Variants in DNMBP observed in about 807,000 individuals in gnomAD.
DNMBP encodes the protein dynamin-binding protein.
Under a neutral mutation model 150.0 loss-of-function variants are expected in DNMBP, and 87 were observed. That is an observed-to-expected ratio of 0.58 (90% CI 0.49 to 0.69). The LOEUF (loss-of-function observed/expected upper bound fraction) is 0.69. DNMBP is among the 30% of genes least tolerant of loss of function. DNMBP has a pLI of 0.00. For missense variants in DNMBP, 1,774 were observed against 1,949.0 expected (o/e 0.91, Z 1.69); for synonymous variants, 711 against 750.4 (o/e 0.95, Z 0.86).
At chr10:99,962,154 T>C (rs2804945) in intron 3 of DNMBP, among the ~76,000 whole-genome samples, 22 of 151,942 alleles carry the variant, frequency 1.4e-4, no homozygotes, top group African/African-American at 5.3e-4. Context: ...TTCTGACACT[T>C]GTATTTTTAT....
intron 1 of DNMBP, among the ~76,000 whole-genome samples, chr10:100,003,465 C>A (rs1300742890): frequency 6.6e-6 from 1 of 152,228 alleles, no homozygotes; most frequent in Non-Finnish European, 1.5e-5. Flanking sequence ...AAAACATACT[C>A]TTAGCACTCT....
At chr10:99,909,497 T>C (rs1334032260) in intron 4 of DNMBP, among the ~76,000 whole-genome samples, 1 of 152,086 alleles carries the variant, frequency 6.6e-6, no homozygotes. Flanking sequence ...TAAAACATGG[T>C]CCATGATCAA....
At chr10:99,940,756 C>A (rs917062201) in intron 4 of DNMBP, among the ~76,000 whole-genome samples, 2 of 152,144 alleles carry the variant, frequency 1.3e-5, no homozygotes, top group Non-Finnish European at 2.9e-5. Context: ...TCTCTTTAAT[C>A]CACTCCAATA....
intron 10 of DNMBP, 24 bp from the exon 11 acceptor site, chr10:99,895,074 G>T: frequency 3.6e-6 from 5 of 1,390,630 alleles, no homozygotes; most frequent in Non-Finnish European, 5.0e-6. Flanking sequence ...AACAAGTGCT[G>T]TTAGCAAATC....
chr10:99,954,390 T>C (rs2133327235), intron 4 of DNMBP, among the ~76,000 whole-genome samples: 1 of 151,982 alleles, frequency 6.6e-6, no homozygotes, highest in African/African-American at 2.4e-5. Flanking sequence ...GCTACAGCAG[T>C]CATAGGCTCA....
chr10:99,879,084 CAAA>C (rs71009780), intron 16 of DNMBP, among the ~76,000 whole-genome samples: 5 of 62,402 alleles, frequency 8.0e-5, no homozygotes, highest in African/African-American at 1.6e-4. Flanking sequence ...GACTCTGTCT[CAAA>C]AAAAAAAAAA....
intron 1 of DNMBP, among the ~76,000 whole-genome samples, chr10:99,981,205 G>A (rs562838357): frequency 2.6e-5 from 4 of 152,212 alleles, no homozygotes; most frequent in East Asian, 1.9e-4. Context: ...TTTTTGAGAC[G>A]GAGTCTAGCT....
intron 1 of DNMBP, among the ~76,000 whole-genome samples, chr10:100,004,353 A>G (rs1231347735): frequency 6.6e-6 from 1 of 152,040 alleles, no homozygotes; most frequent in Admixed American, 6.6e-5. Flanking sequence ...GTCCAGGAAG[A>G]GCTAAATAAA....
At chr10:99,903,451 G>A (rs1327678957) in intron 6 of DNMBP, among the ~76,000 whole-genome samples, 2 of 151,908 alleles carry the variant, frequency 1.3e-5, no homozygotes, top group East Asian at 3.9e-4. Context: ...TCTGCCCTCA[G>A]CCCCCCAAAT....
At chr10:99,883,683 A>G (rs763219222) in intron 15 of DNMBP, among the ~76,000 whole-genome samples, 3 of 145,458 alleles carry the variant, frequency 2.1e-5, no homozygotes, top group Non-Finnish European at 4.5e-5. Flanking sequence ...AAAAGAGGGC[A>G]GCTTATTTTG....
Position 99,923,897 on chromosome 10 carries a change from T to C in DNMBP, c.2261-14751A>G, listed in dbSNP as rs371444026. Among the ~76,000 whole-genome samples, 24 of 64,830 alleles carry C rather than the reference T, an allele frequency of 3.7e-4. 1 individual carries two copies. The East Asian group carries it at 0.01, about 28-fold the overall frequency. The allele number at this position is 64,830 out of a possible 152,430, so 42.5% of individuals were successfully genotyped here. ...GGCTGGGCATAGTGGCTCACGTCTG[T>C]AATCCCAGCACTTCGGGGGCCGAGA... On this transcript the variant is annotated intron_variant, in intron 4 of 16. Transcript: ENST00000324109.
At chr10:99,968,334 A>AT (rs1221645285) in intron 3 of DNMBP, among the ~76,000 whole-genome samples, 4 of 152,052 alleles carry the variant, frequency 2.6e-5, no homozygotes, top group Non-Finnish European at 5.9e-5. Flanking sequence ...GTACCCAGTT[A>AT]TTTTTTTCTC....
At chr10:99,974,037 C>T (rs2040703876) in intron 1 of DNMBP, among the ~76,000 whole-genome samples, 1 of 152,100 alleles carries the variant, frequency 6.6e-6, no homozygotes, top group South Asian at 2.1e-4. Context: ...GCCTATAATC[C>T]TAGCACTTCG....
At chr10:99,947,000 G>C (rs183752983) in intron 4 of DNMBP, among the ~76,000 whole-genome samples, 211 of 152,282 alleles carry the variant, frequency 1.4e-3, no homozygotes, top group African/African-American at 4.8e-3. Flanking sequence ...TCAGAGAAGT[G>C]CAAATCAAAA....
rs1490535609 is a variant in DNMBP at position 99,931,032 on chromosome 10, T to C, written c.2261-21886A>G. The C allele has an allele frequency of 8.5e-6, 3 of 353,370 alleles. No individual in the cohort carries two copies. The East Asian group carries it at 1.3e-4, about 16-fold the overall frequency. The allele number at this position is 353,370 out of a possible 1,614,324, so 21.9% of individuals were successfully genotyped here. On this transcript the variant is annotated intron_variant, in intron 4 of 16. Coordinates refer to ENST00000324109, the MANE Select transcript of DNMBP (RefSeq NM_015221.4). ...TATGCATGTGATTGGAGTTGCCAGC[T>C]TTGTTTGGTGTTTCCCTCAAGCTGG...
intron 4 of DNMBP, among the ~76,000 whole-genome samples, chr10:99,942,008 C>G (rs1331730486): frequency 6.6e-6 from 1 of 152,152 alleles, no homozygotes; most frequent in Non-Finnish European, 1.5e-5. Context: ...TATTATTCCC[C>G]TGCTCAAAAC....
intron 15 of DNMBP, among the ~76,000 whole-genome samples, chr10:99,881,163 T>C (rs2001223): frequency 0.75 from 113,787 of 151,950 alleles, 43,916 homozygotes; most frequent in African/African-American, 0.94. Flanking sequence ...AGGAGCCAGA[T>C]GTTGCAGTGA....
At chr10:100,005,773 A>AC (rs2041062847) in intron 1 of DNMBP, among the ~76,000 whole-genome samples, 1 of 126,740 alleles carries the variant, frequency 7.9e-6, no homozygotes, top group Non-Finnish European at 1.7e-5. Context: ...CCAAAAAAAA[A>AC]AAAAAAAAAA....
rs397839764 is a variant in DNMBP, at chr10:99,936,464, C to A, written c.2260+18750G>T. On this transcript the variant is annotated intron_variant, in intron 4 of 16. Coordinates refer to ENST00000324109, the MANE Select transcript of DNMBP (RefSeq NM_015221.4). ...GGAGAACATGATTGAACATTCATTG[C>A]CCATACCCTTCATCTCCAACAAAGA... is the stretch of plus-strand genomic sequence containing the variant. Among the ~76,000 whole-genome samples the A allele has an allele frequency of 1.2e-3, 179 of 151,870 alleles. 2 individuals are homozygous for A. Among genetic ancestry groups the A allele is most frequent in the Non-Finnish European group, 1.2e-4 (8 of 67,954 alleles).
Sources: gnomAD v4.1 joint callset for allele counts (sites outside exome capture counted in the v4.1 genomes callset) on GRCh38, gnomAD v4.1.1 for gene constraint, MANE v1.5 for transcripts, NCBI Gene and HGNC (gene_info 2026-07-23, HGNC 2026-07-21) for gene names.